Variants in SEMA3A observed in about 807,000 individuals in gnomAD.
The protein encoded by SEMA3A is semaphorin-3A.
A neutral mutation model predicts 97.9 loss-of-function variants in SEMA3A; 29 were observed. That is an observed-to-expected ratio of 0.30 (90% CI 0.22 to 0.40). The LOEUF is 0.40. SEMA3A is among the 10% of genes least tolerant of loss of function. The pLI is 1.00. For missense variants in SEMA3A, 763 were observed against 951.3 expected, an observed-to-expected ratio of 0.80 and a Z score of 2.60; for synonymous variants, 321 against 323.7, an observed-to-expected ratio of 0.99 and a Z score of 0.09.
chr7:84,382,026 A>C (rs1383374957), intron 1 of SEMA3A, among the ~76,000 whole-genome samples: 1 of 152,192 alleles, frequency 6.6e-6, no homozygotes, highest in African/African-American at 2.4e-5. Context: ...CAAGATTATG[A>C]CAATTTCAAG....
intron 1 of SEMA3A, among the ~76,000 whole-genome samples, chr7:84,145,970 T>C (rs1195997046): frequency 6.6e-6 from 1 of 152,128 alleles, no homozygotes; most frequent in African/African-American, 2.4e-5. Context: ...TTTCCACAAT[T>C]TACTCTTTTC....
chr7:84,147,892 C>T (rs139414433), intron 1 of SEMA3A, among the ~76,000 whole-genome samples: 70 of 151,718 alleles, frequency 4.6e-4, no homozygotes, highest in African/African-American at 1.6e-3. Flanking sequence ...CTTACTCTCA[C>T]TCTCTCTCTT....
chr7:84,141,952 G>A (rs1286129354), intron 1 of SEMA3A, among the ~76,000 whole-genome samples: 8 of 152,022 alleles, frequency 5.3e-5, no homozygotes, highest in Non-Finnish European at 7.4e-5. Flanking sequence ...TGGACAACTC[G>A]TAAAAGTTCA....
At chr7:84,148,377 CGGA>C (rs1214808327) in intron 1 of SEMA3A, among the ~76,000 whole-genome samples, 5 of 152,010 alleles carry the variant, frequency 3.3e-5, no homozygotes, top group Non-Finnish European at 5.9e-5. Context: ...GAGCTCCGTG[CGGA>C]AGGATGGAAG....
At chr7:84,118,551 C>T (rs1562793390) in intron 3 of SEMA3A, among the ~76,000 whole-genome samples, 1 of 152,162 alleles carries the variant, frequency 6.6e-6, no homozygotes, top group Non-Finnish European at 1.5e-5. Context: ...CCTCCAGGTC[C>T]TCTGGCTTCC....
intron 4 of SEMA3A, among the ~76,000 whole-genome samples, chr7:84,063,489 C>G (rs1207571186): frequency 2.0e-5 from 3 of 150,802 alleles, no homozygotes; most frequent in South Asian, 2.1e-4. Flanking sequence ...GAAGGACATT[C>G]AAACCAAAGG....
intron 6 of SEMA3A, among the ~76,000 whole-genome samples, chr7:84,041,801 G>A (rs558820270): frequency 2.0e-5 from 3 of 152,066 alleles, no homozygotes; most frequent in African/African-American, 7.2e-5. Flanking sequence ...CTTATAGAGG[G>A]CTTTTTCCCC....
At position 84,398,643 on chromosome 7, in the gene SEMA3A, A is replaced by AT. The variant is rs60622660; in HGVS notation, c.-245-26744dup. Among the ~76,000 whole-genome samples, 2,107 of 150,548 alleles carry AT rather than the reference A, an allele frequency of 0.014. 99 individuals carry two copies. In the East Asian group the frequency reaches 0.18, roughly 13 times the overall value. On this transcript the variant is annotated intron_variant, in intron 1 of 3. Transcript: ENST00000424555. Reference sequence around the variant, plus strand: ...CATAGCAAAACTCTGTCTCTATATAATTTTTTTTGTTTTAATTAGCCAAAC... The same window carrying AT: ...CATAGCAAAACTCTGTCTCTATATAATTTTTTTTTGTTTTAATTAGCCAAAC...
At chr7:84,443,447 A>G (rs1240315087) in intron 1 of SEMA3A, among the ~76,000 whole-genome samples, 1 of 152,206 alleles carries the variant, frequency 6.6e-6, no homozygotes, top group African/African-American at 2.4e-5. Context: ...GTCAATGGTT[A>G]AATTGACATT....
intron 2 of SEMA3A, among the ~76,000 whole-genome samples, chr7:84,313,370 AT>A (rs1752559953): frequency 3.1e-5 from 1 of 32,206 alleles, no homozygotes; most frequent in Non-Finnish European, 9.2e-5. Context: ...ATATATATAT[AT>A]ATATATATAT....
intron 1 of SEMA3A, among the ~76,000 whole-genome samples, chr7:84,410,476 G>C (rs1309456669): frequency 6.6e-6 from 1 of 152,080 alleles, no homozygotes; most frequent in Non-Finnish European, 1.5e-5. Context: ...TTCAACACCT[G>C]TAAAGAAGAA....
At chr7:84,437,874 TTTA>T (rs1346126539) in intron 1 of SEMA3A, among the ~76,000 whole-genome samples, 1 of 151,986 alleles carries the variant, frequency 6.6e-6, no homozygotes, top group Admixed American at 6.6e-5. Flanking sequence ...TGCAGTCAGT[TTTA>T]TTGTTTCCTC....
rs534617224 is a variant in SEMA3A, at chr7:84,244,580, C to T, written c.-82-49912G>A. On this transcript the variant is annotated intron_variant, in intron 3 of 3. Transcript: ENST00000424555. ...TGTCTTTTAATTGGGGCATTTAGCA[C>T]GTTTACATTTAAAGTTAATATTGTT... Among the ~76,000 whole-genome samples, 18 of 152,242 alleles carry T rather than the reference C, an allele frequency of 1.2e-4. No homozygotes were observed. In the South Asian group the frequency reaches 3.5e-3, roughly 30 times the overall value.
intron 3 of SEMA3A, among the ~76,000 whole-genome samples, chr7:84,117,479 G>T (rs1795469982): frequency 1.3e-5 from 2 of 152,182 alleles, no homozygotes; most frequent in African/African-American, 4.8e-5. Context: ...GTCCTGTTAA[G>T]AACAGGCTGC....
chr7:84,210,460 A>G (rs1159549424), intron 3 of SEMA3A, among the ~76,000 whole-genome samples: 5 of 152,010 alleles, frequency 3.3e-5, no homozygotes, highest in Admixed American at 1.3e-4. Flanking sequence ...GAGTGCAGGA[A>G]ATGGGAACAA....
chr7:84,170,397 T>G (rs1003270668), intron 1 of SEMA3A, among the ~76,000 whole-genome samples: 2 of 152,010 alleles, frequency 1.3e-5, no homozygotes, highest in African/African-American at 4.8e-5. Context: ...AAATGAGATT[T>G]GAGTCTTTTT....
At chr7:84,486,066 G>C (rs892016422) in intron 1 of SEMA3A, among the ~76,000 whole-genome samples, 5 of 152,236 alleles carry the variant, frequency 3.3e-5, no homozygotes, top group Admixed American at 3.3e-4. Context: ...ATCTAAAGGG[G>C]AAAATAGGCA....
intron 4 of SEMA3A, among the ~76,000 whole-genome samples, chr7:84,066,624 T>A (rs372100637): frequency 0.026 from 3,747 of 142,508 alleles, 72 homozygotes; most frequent in Middle Eastern, 0.057. Context: ...TTATACATCA[T>A]CAACAGACAA....
intron 3 of SEMA3A, among the ~76,000 whole-genome samples, chr7:84,246,655 C>CT (rs1012158212): frequency 6.5e-4 from 98 of 150,898 alleles, no homozygotes; most frequent in Non-Finnish European, 9.9e-4. Flanking sequence ...CTCAAACTCT[C>CT]TTTTTTTTTC....
Sources: gnomAD v4.1 joint callset for allele counts (sites outside exome capture counted in the v4.1 genomes callset) on GRCh38, gnomAD v4.1.1 for gene constraint, MANE v1.5 for transcripts, NCBI Gene and HGNC (gene_info 2026-07-23, HGNC 2026-07-21) for gene names.